The following ADCY9 variants were observed in gnomAD, a reference collection of about 807,000 sequenced individuals.
The protein encoded by ADCY9 is adenylate cyclase type 9.
Under a neutral mutation model 101.5 loss-of-function variants are expected in ADCY9, and 50 were observed. The observed-to-expected ratio is 0.49, with a 90% CI of 0.39 to 0.62. The LOEUF (loss-of-function observed/expected upper bound fraction) is 0.62, where lower values mean the gene tolerates loss of function less well. Among genes scored for constraint, ADCY9 ranks in the 20% least tolerant of loss-of-function variants. The pLI is 0.00. For missense variants in ADCY9, 1,662 were observed against 1,800.4 expected (o/e 0.92, Z 1.39); for synonymous variants, 905 against 769.3 (o/e 1.18, Z -2.92).
intron 2 of ADCY9, among the ~76,000 whole-genome samples, chr16:4,041,275 G>A (rs181472870): frequency 9.8e-5 from 15 of 152,286 alleles, no homozygotes; most frequent in Non-Finnish European, 1.6e-4. Flanking sequence ...GGCCAAGGCA[G>A]GTGGATCACC....
At chr16:3,969,578 AT>A (rs1179378191) in intron 10 of ADCY9, among the ~76,000 whole-genome samples, 9 of 29,738 alleles carry the variant, frequency 3.0e-4, no homozygotes, top group African/African-American at 2.8e-3. Flanking sequence ...AAATATATAT[AT>A]ATATATATAT....
At chr16:4,084,994 T>C (rs1402380840) in intron 2 of ADCY9, among the ~76,000 whole-genome samples, 1 of 152,122 alleles carries the variant, frequency 6.6e-6, no homozygotes, top group Non-Finnish European at 1.5e-5. Context: ...TGTCTCTCCA[T>C]TTACCCATTG....
At chr16:4,104,355 G>C (rs770342117) in intron 2 of ADCY9, among the ~76,000 whole-genome samples, 6 of 151,732 alleles carry the variant, frequency 4.0e-5, no homozygotes, top group South Asian at 4.2e-4. Flanking sequence ...ATCACACCTG[G>C]GTAAAAACCC....
intron 2 of ADCY9, among the ~76,000 whole-genome samples, chr16:4,102,144 G>C (rs933245406): frequency 3.6e-4 from 55 of 152,296 alleles, no homozygotes; most frequent in African/African-American, 1.2e-3. Flanking sequence ...GGGAGCGTTA[G>C]TTATTGATGG....
chr16:3,993,290 G>A, intron 4 of ADCY9, 116 bp downstream of exon 4: 1 of 1,508,140 alleles, frequency 6.6e-7, no homozygotes, highest in East Asian at 2.4e-5. Flanking sequence ...GGTGCGGAGT[G>A]CTGTTACCCA....
At chr16:4,076,449 C>T (rs1045981268) in intron 2 of ADCY9, among the ~76,000 whole-genome samples, 2 of 152,174 alleles carry the variant, frequency 1.3e-5, no homozygotes, top group African/African-American at 4.8e-5. Context: ...TTTCGTGTTC[C>T]ATCAGCTTAC....
At chr16:4,074,467 G>A (rs1170475578) in intron 2 of ADCY9, among the ~76,000 whole-genome samples, 2 of 151,692 alleles carry the variant, frequency 1.3e-5, no homozygotes, top group African/African-American at 4.8e-5. Flanking sequence ...GGTAGAGGTG[G>A]GAGGAGCACT....
chr16:3,974,745 G>A, intron 9 of ADCY9, 35 bp from the exon 10 acceptor site: 1 of 1,569,438 alleles, frequency 6.4e-7, no homozygotes, highest in Non-Finnish European at 8.8e-7. Context: ...TTATCATAAA[G>A]AGCAAAGAAG....
At chr16:3,979,557 G>A (rs2056123152) in intron 7 of ADCY9, among the ~76,000 whole-genome samples, 2 of 152,222 alleles carry the variant, frequency 1.3e-5, no homozygotes, top group African/African-American at 2.4e-5. Context: ...AACAGAACAC[G>A]TGAGAGTATC....
At position 3,992,470 on chromosome 16, in the gene ADCY9, G is replaced by A. The variant is rs11861128; in HGVS notation, c.1990-107C>T. On this transcript the variant is annotated intron_variant, in intron 4 of 10. Transcript: ENST00000294016. This position sits in a 1 kb window ranked among gnomAD's most constrained non-coding sequence, Gnocchi z 4.2. ...CTCCGCTGCGGGGCGCTGCTGCACT[G>A]GGCGTGGGACTTTCTGACCTGCGAG... 4,354 of 1,016,504 alleles carry A rather than the reference G, an allele frequency of 4.3e-3. 113 individuals are homozygous for A. In the African/African-American group the frequency reaches 0.058, roughly 13 times the overall value. 63.0% of individuals were successfully genotyped at this position (1,016,504 alleles called of 1,614,324 possible).
intron 9 of ADCY9, among the ~76,000 whole-genome samples, chr16:3,976,013 A>C (rs958321297): frequency 5.3e-5 from 8 of 152,240 alleles, no homozygotes; most frequent in Admixed American, 5.2e-4. Context: ...ATTTTTGGAG[A>C]CTGAGTCTTG....
chr16:3,982,362 T>A (rs1257086980), intron 7 of ADCY9: 1 of 152,342 alleles, frequency 6.6e-6, no homozygotes, highest in Non-Finnish European at 1.5e-5. Flanking sequence ...CCATGTCTGT[T>A]TGAAGCCCAG....
chr16:3,978,880 C>T (rs376686765), intron 8 of ADCY9, among the ~76,000 whole-genome samples: 80 of 152,142 alleles, frequency 5.3e-4, no homozygotes, highest in African/African-American at 1.8e-3. Flanking sequence ...CCACCATGAC[C>T]AGCTAATTGT....
At chr16:4,087,240 T>C (rs2056944707) in intron 2 of ADCY9, among the ~76,000 whole-genome samples, 1 of 151,850 alleles carries the variant, frequency 6.6e-6, no homozygotes, top group African/African-American at 2.4e-5. Flanking sequence ...TCTCCTTCTT[T>C]AAGAACAAGG....
chr16:4,046,743 A>G (rs2056667471), intron 2 of ADCY9, among the ~76,000 whole-genome samples: 1 of 152,244 alleles, frequency 6.6e-6, no homozygotes, highest in African/African-American at 2.4e-5. Context: ...TCGAGGTGAC[A>G]TGATCCTTTT....
chr16:4,011,593 G>C (rs2056404693), intron 2 of ADCY9, among the ~76,000 whole-genome samples: 1 of 152,230 alleles, frequency 6.6e-6, no homozygotes, highest in African/African-American at 2.4e-5. Context: ...GGGCCTGGCT[G>C]CTGGAGGGGG....
At chr16:3,953,879 G>A (rs919439831) in intron 5 of ADCY9, among the ~76,000 whole-genome samples, 5 of 152,214 alleles carry the variant, frequency 3.3e-5, no homozygotes, top group African/African-American at 4.8e-5. Flanking sequence ...CGGGGAGGTC[G>A]CTGTCAGAGC....
At chr16:4,027,177 A>G (rs13337675) in intron 2 of ADCY9, among the ~76,000 whole-genome samples, 31,782 of 152,152 alleles carry the variant, frequency 0.21, 3,456 homozygotes, top group Middle Eastern at 0.29. Flanking sequence ...AAATTCTCTA[A>G]TCAGCCACTT....
intron 3 of ADCY9, among the ~76,000 whole-genome samples, chr16:4,006,325 A>G (rs1399021978): frequency 6.6e-6 from 1 of 152,172 alleles, no homozygotes; most frequent in Non-Finnish European, 1.5e-5. Context: ...CCTGCATTAC[A>G]CTAACAAAGC....
Sources: gnomAD v4.1 joint callset for allele counts (sites outside exome capture counted in the v4.1 genomes callset) on GRCh38, gnomAD v4.1.1 for gene constraint, Gnocchi (gnomAD v3.1) non-coding constraint, MANE v1.5 for transcripts, NCBI Gene and HGNC (gene_info 2026-07-23, HGNC 2026-07-21) for gene names.